The following SLC6A14 variants were observed in gnomAD, a reference collection of about 807,000 sequenced individuals.
SLC6A14 encodes the protein solute carrier family 6 member 14.
Under a neutral mutation model 51.4 loss-of-function variants are expected in SLC6A14, and 21 were observed. That is an observed-to-expected ratio of 0.41 (90% CI 0.29 to 0.59). The LOEUF is 0.59. Among genes scored for constraint, SLC6A14 ranks in the 20% least tolerant of loss-of-function variants. The pLI is 0.31. For synonymous variants in SLC6A14, 177 were observed against 160.7 expected, an observed-to-expected ratio of 1.10 and a Z score of -0.77; for missense variants, 371 against 472.8, an observed-to-expected ratio of 0.78 and a Z score of 2.00.
In SLC6A14 at chrX:116,453,090, A is replaced by AT; in HGVS notation, c.1241dup (p.Met415HisfsTer15). ...CAGGTGGTCCATTTTGGTCCATATT[A>AT]TTTTTTTTCATGCTTTTAACTTTGG... On this transcript the variant is annotated frameshift_variant, in exon 9 of 14. Transcript: ENST00000598581. LOFTEE classifies it high-confidence loss of function. 3.3e-6 allele frequency: 4 copies of AT among 1,198,932 alleles called. No homozygotes were observed. The highest frequency in any genetic ancestry group is 2.2e-5 in the Admixed American group (1 of 45,114).
chrX:116,455,152 T>C, intron 11 of SLC6A14, 76 bp downstream of exon 11: 1 of 733,065 alleles, frequency 1.4e-6, no homozygotes, highest in Non-Finnish European at 2.0e-6. Flanking sequence ...TATATTTACC[T>C]AATTATACTA....
chrX:116,440,915 A>G (rs1927581641), intron 2 of SLC6A14, 51 bp from the exon 3 acceptor site: 4 of 1,188,138 alleles, frequency 3.4e-6, no homozygotes, highest in Non-Finnish European at 4.5e-6. Context: ...TCAAAGTGCC[A>G]TCAAGACTTC....
chrX:116,458,180 C>T (rs987089302), intron 13 of SLC6A14, among the ~76,000 whole-genome samples: 3 of 111,707 alleles, frequency 2.7e-5, no homozygotes, highest in African/African-American at 9.7e-5. Context: ...CTATAATATA[C>T]ATCCTAATAG....
chrX:116,459,022 A>C lies in SLC6A14; in HGVS notation c.*67A>C. ...TTTTAGAATAGGGGGAACCTTATTT[A>C]TTTGTGTGTTAACTGAATAGGAAAA... On this transcript the variant is annotated 3_prime_UTR_variant, in exon 14 of 14. Transcript: ENST00000598581. The C allele has an allele frequency of 1.1e-6, 1 of 920,744 alleles. No individual in the cohort carries two copies. Among genetic ancestry groups the C allele is most frequent in the Non-Finnish European group, 1.5e-6 (1 of 663,704 alleles). The allele number at this position is 920,744 out of a possible 1,213,427, so 75.9% of individuals were successfully genotyped here. A position where few individuals can be genotyped will look rare whatever the true frequency, so the allele number is the denominator to read the frequency against.
At chrX:116,449,057 G>T (rs782549110) in intron 7 of SLC6A14, among the ~76,000 whole-genome samples, 1 of 110,866 alleles carries the variant, frequency 9.0e-6, no homozygotes, top group African/African-American at 3.3e-5. Context: ...ACTTCATTGA[G>T]ATCTCCAGGA....
At chrX:116,457,812 G>A in intron 13 of SLC6A14, 36 bp downstream of exon 13, 1 of 1,000,170 alleles carries the variant, frequency 1.0e-6, no homozygotes. Context: ...TTTACACAAA[G>A]TAGTTATGAT....
intron 8 of SLC6A14, among the ~76,000 whole-genome samples, chrX:116,452,142 T>A (rs782519729): frequency 3.2e-4 from 36 of 111,638 alleles, no homozygotes; most frequent in Non-Finnish European, 5.7e-4. Flanking sequence ...CTACAGATTC[T>A]GGGGGAAAAT....
Position 116,455,256 on chromosome X carries a change from TG to T in SLC6A14, c.1505-99del. ...ATTACAGGTGTATGATTCATTGTTG[TG>T]GTAGAGAAAAATGTTTAGACACAGA... On this transcript the variant is annotated intron_variant, in intron 11 of 13. Coordinates refer to ENST00000598581, the MANE Select transcript of SLC6A14 (RefSeq NM_007231.5). The T allele has an allele frequency of 4.2e-6, 3 of 712,341 alleles. No individual in the cohort carries two copies. In the South Asian group the frequency reaches 7.4e-5, roughly 18 times the overall value. The allele number at this position is 712,341 out of a possible 1,213,427, so 58.7% of individuals were successfully genotyped here.
intron 12 of SLC6A14, among the ~76,000 whole-genome samples, chrX:116,456,226 T>A (rs1192647389): frequency 9.0e-6 from 1 of 110,688 alleles, no homozygotes; most frequent in Non-Finnish European, 1.9e-5. Flanking sequence ...TTTATTTTGG[T>A]TTTCATTGCC....
intron 12 of SLC6A14, 43 bp downstream of exon 12, chrX:116,455,509 T>C (rs1346885214): frequency 1.2e-6 from 1 of 808,698 alleles, no homozygotes. Context: ...ATAATACATA[T>C]GTTCTAAGAT....
chrX:116,451,079 T>C (rs1927813471), intron 7 of SLC6A14, among the ~76,000 whole-genome samples: 3 of 112,801 alleles, frequency 2.7e-5, no homozygotes, highest in South Asian at 7.2e-4. Flanking sequence ...AACTTGATGA[T>C]GGATAAATTT....
chrX:116,443,612 T>C lies in SLC6A14; in HGVS notation c.509-31T>C, dbSNP rs782304599. The C allele has an allele frequency of 1.5e-5, 15 of 1,026,131 alleles. No homozygotes were observed. In the South Asian group the frequency reaches 2.5e-4, roughly 17 times the overall value. 84.6% of individuals were successfully genotyped at this position (1,026,131 alleles called of 1,213,427 possible). A position where few individuals can be genotyped will look rare whatever the true frequency, so the allele number is the denominator to read the frequency against. On this transcript the variant is annotated intron_variant, in intron 4 of 13. Coordinates refer to ENST00000598581, the MANE Select transcript of SLC6A14 (RefSeq NM_007231.5). Reference sequence around the variant, plus strand: ...AAGTAATCTTCTAAAACTAAGTACATGTCTGTGTCTATATTTTTTATCCTC... The same window carrying C: ...AAGTAATCTTCTAAAACTAAGTACACGTCTGTGTCTATATTTTTTATCCTC...
intron 2 of SLC6A14, among the ~76,000 whole-genome samples, chrX:116,438,749 G>T (rs1927535540): frequency 8.9e-6 from 1 of 112,075 alleles, no homozygotes; most frequent in Non-Finnish European, 1.9e-5. Context: ...TCTATTAGAA[G>T]TATAGAGGTG....
chrX:116,437,968 A>ACGGGGC lies in SLC6A14; in HGVS notation c.214+14_214+15insGGGGCC. ...AGCAATGGTGGAGGTATTCTATTTC[A>ACGGGGC]CCCCCACCCTCCCACCCCCGCTTTT... On this transcript the variant is annotated intron_variant, in intron 2 of 13. Transcript: ENST00000598581. 11 of 1,121,985 alleles carry ACGGGGC rather than the reference A, an allele frequency of 9.8e-6. No homozygotes were observed. Among genetic ancestry groups the ACGGGGC allele is most frequent in the Non-Finnish European group, 1.2e-5 (10 of 840,223 alleles). The allele number at this position is 1,121,985 out of a possible 1,213,427, so 92.5% of individuals were successfully genotyped here.
At chrX:116,452,907 T>C (rs1927850213) in intron 8 of SLC6A14, 110 bp from the exon 9 acceptor site, 5 of 590,638 alleles carry the variant, frequency 8.5e-6, no homozygotes, top group Non-Finnish European at 1.2e-5. Context: ...ATTTATGTCA[T>C]GGATTGTGTT....
At chrX:116,455,634 T>G (rs141646945) in intron 12 of SLC6A14, among the ~76,000 whole-genome samples, 168 bp downstream of exon 12, 297 of 112,427 alleles carry the variant, frequency 2.6e-3, no homozygotes, top group African/African-American at 8.9e-3. Flanking sequence ...TAAAATGCCT[T>G]TGCAGTATTA....
At position 116,453,153 on chromosome X, in the gene SLC6A14, C is replaced by T; in HGVS notation, c.1285+11C>T. 8.5e-7 allele frequency: 1 copy of T among 1,179,904 alleles called. No individual in the cohort carries two copies. The highest frequency in any genetic ancestry group is 1.1e-6 in the Non-Finnish European group (1 of 877,493). ...AGTTTGCTTCGATTGGTAAGTAATA[C>T]TTCCAGTGGTAACATATTCCTCTTA... On this transcript the variant is annotated intron_variant, in intron 9 of 13. Coordinates refer to ENST00000598581, the MANE Select transcript of SLC6A14 (RefSeq NM_007231.5).
intron 3 of SLC6A14, among the ~76,000 whole-genome samples, chrX:116,442,413 C>T (rs1927616917): frequency 9.1e-6 from 1 of 110,433 alleles, no homozygotes; most frequent in East Asian, 2.9e-4. Flanking sequence ...TACAGGCATG[C>T]ACCACCACGC....
At chrX:116,456,342 T>G (rs1373414965) in intron 12 of SLC6A14, among the ~76,000 whole-genome samples, 4 of 111,127 alleles carry the variant, frequency 3.6e-5, no homozygotes, top group African/African-American at 9.7e-5. Flanking sequence ...TTACATTTTT[T>G]TTTTTAACAT....
Sources: gnomAD v4.1 joint callset for allele counts (sites outside exome capture counted in the v4.1 genomes callset) on GRCh38, gnomAD v4.1.1 for gene constraint, MANE v1.5 for transcripts, NCBI Gene and HGNC (gene_info 2026-07-23, HGNC 2026-07-21) for gene names.